Variants in PTPRD observed in about 807,000 individuals in gnomAD.
PTPRD encodes the protein protein tyrosine phosphatase receptor type D.
Under a neutral mutation model 214.5 loss-of-function variants are expected in PTPRD, and 34 were observed. The observed-to-expected ratio is 0.16, with a 90% CI of 0.12 to 0.21. The LOEUF is 0.21. Among genes scored for constraint, PTPRD ranks in the 10% least tolerant of loss-of-function variants. The probability of loss-of-function intolerance (pLI) is 1.00; values close to 1 mark genes in which losing one functional copy is unlikely to be tolerated. For missense variants in PTPRD, 2,545 were observed against 2,398.7 expected (o/e 1.06, Z -1.27); for synonymous variants, 1,128 against 845.7 (o/e 1.33, Z -5.79).
At chr9:9,368,003 C>G (rs1288199497) in intron 9 of PTPRD, among the ~76,000 whole-genome samples, 1 of 151,748 alleles carries the variant, frequency 6.6e-6, no homozygotes, top group African/African-American at 2.4e-5. Context: ...ACAGCTCAGT[C>G]TGGCATGATT....
intron 9 of PTPRD, among the ~76,000 whole-genome samples, chr9:9,236,269 A>G (rs2099966658): frequency 6.6e-6 from 1 of 152,124 alleles, no homozygotes; most frequent in African/African-American, 2.4e-5. Context: ...AAATAAATAA[A>G]TACACAAATA....
intron 9 of PTPRD, among the ~76,000 whole-genome samples, chr9:9,267,857 A>C (rs1385531672): frequency 6.6e-6 from 1 of 151,196 alleles, no homozygotes; most frequent in African/African-American, 2.4e-5. Flanking sequence ...CCCAAAAATG[A>C]GATATAGAAG....
chr9:8,340,278 CAA>C lies in PTPRD; in HGVS notation c.5253+63_5253+64del, dbSNP rs1851270692. The C allele has an allele frequency of 2.7e-6, 4 of 1,483,864 alleles. No individual in the cohort carries two copies. The South Asian group carries it at 4.3e-5, about 16-fold the overall frequency. 91.9% of individuals were successfully genotyped at this position (1,483,864 alleles called of 1,614,324 possible). On this transcript the variant is annotated intron_variant, in intron 42 of 45. Coordinates refer to ENST00000381196, the MANE Select transcript of PTPRD (RefSeq NM_002839.4). ...TGATCTAGCACAAGAGTTATTGAAACAAAGTCTTCATTTCTCCACAGAGTAAA... is the reference window on the plus strand; with the variant it reads ...TGATCTAGCACAAGAGTTATTGAAACAGTCTTCATTTCTCCACAGAGTAAA...
chr9:10,164,619 C>T (rs2099148048), intron 3 of PTPRD, among the ~76,000 whole-genome samples: 1 of 151,480 alleles, frequency 6.6e-6, no homozygotes, highest in Admixed American at 6.6e-5. Context: ...TTTGCATCGT[C>T]CTTATAAATC....
At chr9:9,662,148 C>T (rs2154380663) in intron 7 of PTPRD, among the ~76,000 whole-genome samples, 1 of 151,742 alleles carries the variant, frequency 6.6e-6, no homozygotes, top group East Asian at 1.9e-4. Context: ...CTTAACACTC[C>T]ATACAGTTAC....
intron 2 of PTPRD, among the ~76,000 whole-genome samples, chr9:10,480,031 T>A (rs2099087857): frequency 6.6e-6 from 1 of 152,182 alleles, no homozygotes; most frequent in African/African-American, 2.4e-5. Flanking sequence ...TATGAATGAT[T>A]GTTCTCATCC....
chr9:10,236,671 G>T (rs976068437), intron 3 of PTPRD, among the ~76,000 whole-genome samples: 8 of 151,720 alleles, frequency 5.3e-5, no homozygotes, highest in African/African-American at 1.9e-4. Flanking sequence ...TAGGCATTTA[G>T]GATATATTGA....
intron 2 of PTPRD, among the ~76,000 whole-genome samples, chr9:10,410,931 G>T (rs2098427580): frequency 6.6e-6 from 1 of 151,710 alleles, no homozygotes; most frequent in Non-Finnish European, 1.5e-5. Flanking sequence ...ATGTTAGTTA[G>T]CTTTTCCAGG....
At chr9:9,113,167 G>A (rs747005966) in intron 10 of PTPRD, among the ~76,000 whole-genome samples, 3 of 151,430 alleles carry the variant, frequency 2.0e-5, no homozygotes, top group Non-Finnish European at 2.9e-5. Context: ...TTAGAGATGG[G>A]GTCTCACTAT....
chr9:9,113,393 G>C (rs1330373447), intron 10 of PTPRD, among the ~76,000 whole-genome samples: 1 of 152,068 alleles, frequency 6.6e-6, no homozygotes, highest in African/African-American at 2.4e-5. Flanking sequence ...ACAAATAAAG[G>C]GGGAGAGTGT....
chr9:10,089,734 C>A (rs984396095), intron 3 of PTPRD, among the ~76,000 whole-genome samples: 4 of 151,700 alleles, frequency 2.6e-5, no homozygotes, highest in Non-Finnish European at 5.9e-5. Context: ...TTCCCAATAT[C>A]TGGAATTCAG....
intron 30 of PTPRD, among the ~76,000 whole-genome samples, chr9:8,478,635 T>A (rs966149996): frequency 1.3e-5 from 2 of 152,192 alleles, no homozygotes; most frequent in Admixed American, 6.5e-5. Context: ...TAGATCTGAC[T>A]GGCATTCTGC....
intron 8 of PTPRD, among the ~76,000 whole-genome samples, chr9:9,569,564 C>T (rs1245558489): frequency 1.3e-5 from 2 of 151,014 alleles, no homozygotes; most frequent in African/African-American, 2.4e-5. Context: ...TTTTTTTTCC[C>T]TAACACTTCG....
intron 7 of PTPRD, among the ~76,000 whole-genome samples, chr9:9,646,419 C>A (rs991533850): frequency 6.6e-5 from 10 of 151,322 alleles, no homozygotes; most frequent in Admixed American, 4.6e-4. Flanking sequence ...GTTGAAAAAC[C>A]ATTTAGCAGA....
chr9:9,415,328 G>T (rs779411824), intron 8 of PTPRD, among the ~76,000 whole-genome samples: 3 of 151,942 alleles, frequency 2.0e-5, no homozygotes, highest in Non-Finnish European at 4.4e-5. Context: ...ACAAAAATTA[G>T]CCAGGTGTGG....
chr9:8,499,587 G>C (rs1397057631), intron 25 of PTPRD, 60 bp downstream of exon 25: 3 of 1,521,028 alleles, frequency 2.0e-6, no homozygotes, highest in Non-Finnish European at 2.7e-6. Flanking sequence ...GCAATTTCAG[G>C]ATATGAACTA....
intron 2 of PTPRD, among the ~76,000 whole-genome samples, chr9:10,401,604 G>A (rs1387920397): frequency 6.8e-6 from 1 of 147,250 alleles, no homozygotes; most frequent in East Asian, 2.1e-4. Context: ...CAGTATGTCT[G>A]TGATATAACA....
chr9:10,259,349 T>C (rs1003827754), intron 3 of PTPRD, among the ~76,000 whole-genome samples: 3 of 152,176 alleles, frequency 2.0e-5, no homozygotes, highest in Non-Finnish European at 4.4e-5. Context: ...TGTGTAGTGA[T>C]TGACGTTCTT....
intron 4 of PTPRD, among the ~76,000 whole-genome samples, chr9:10,004,538 CAA>C (rs2096422761): frequency 6.6e-6 from 1 of 151,654 alleles, no homozygotes; most frequent in South Asian, 2.1e-4. Flanking sequence ...AAGCAGAAAA[CAA>C]AATATTTTTA....
Sources: gnomAD v4.1 joint callset for allele counts (sites outside exome capture counted in the v4.1 genomes callset) on GRCh38, gnomAD v4.1.1 for gene constraint, MANE v1.5 for transcripts, NCBI Gene and HGNC (gene_info 2026-07-23, HGNC 2026-07-21) for gene names.